Variants in ZFPM2 observed in about 807,000 individuals in gnomAD.
ZFPM2 encodes zinc finger protein ZFPM2.
In ZFPM2, 20 loss-of-function variants were observed where a neutral mutation model predicts 98.6. The observed-to-expected ratio is 0.20, with a 90% CI of 0.14 to 0.29. The LOEUF (loss-of-function observed/expected upper bound fraction) is 0.29, where lower values mean the gene tolerates loss of function less well. Ranked by LOEUF, ZFPM2 falls within the 10% of genes least tolerant of loss-of-function variation. The probability of loss-of-function intolerance (pLI) is 1.00; values close to 1 mark genes in which losing one functional copy is unlikely to be tolerated. For missense variants in ZFPM2, 1,310 were observed against 1,388.6 expected, an observed-to-expected ratio of 0.94 and a Z score of 0.90; for synonymous variants, 518 against 502.7, an observed-to-expected ratio of 1.03 and a Z score of -0.41.
At chr8:105,437,150 C>A (rs558493380) in intron 2 of ZFPM2, among the ~76,000 whole-genome samples, 28 of 152,114 alleles carry the variant, frequency 1.8e-4, no homozygotes, top group African/African-American at 6.3e-4. Flanking sequence ...ATATATATTG[C>A]ATACCCCTTA....
chr8:105,503,278 G>A (rs1402928851), intron 3 of ZFPM2, among the ~76,000 whole-genome samples: 3 of 152,126 alleles, frequency 2.0e-5, no homozygotes, highest in Non-Finnish European at 2.9e-5. Context: ...GGGTAGAAGA[G>A]GGCTTTTATA....
chr8:105,667,151 G>C (rs1488970065), intron 5 of ZFPM2, among the ~76,000 whole-genome samples: 1 of 152,200 alleles, frequency 6.6e-6, no homozygotes, highest in Non-Finnish European at 1.5e-5. Context: ...TCGCTTCAAG[G>C]AAAACAATTG....
chr8:105,693,347 C>T (rs764243085), intron 5 of ZFPM2, among the ~76,000 whole-genome samples: 6 of 152,100 alleles, frequency 3.9e-5, no homozygotes, highest in Admixed American at 6.5e-5. Context: ...CGCAGCTTGT[C>T]GGCAACTCGC....
chr8:105,372,742 G>A (rs1390238368), intron 1 of ZFPM2, among the ~76,000 whole-genome samples: 1 of 152,034 alleles, frequency 6.6e-6, no homozygotes, highest in East Asian at 1.9e-4. Context: ...GAATATGTTT[G>A]AGTTATTTAA....
At chr8:105,570,659 A>G (rs1409720521) in intron 4 of ZFPM2, among the ~76,000 whole-genome samples, 1 of 152,208 alleles carries the variant, frequency 6.6e-6, no homozygotes, top group East Asian at 1.9e-4. Flanking sequence ...GTGTATAGCT[A>G]GCCTGTTAAC....
chr8:105,518,578 T>TA (rs1028816993), intron 3 of ZFPM2, among the ~76,000 whole-genome samples: 8 of 152,232 alleles, frequency 5.3e-5, no homozygotes, highest in Non-Finnish European at 1.2e-4. Flanking sequence ...TTTGTGTTAT[T>TA]ACAGCCACAT....
intron 3 of ZFPM2, among the ~76,000 whole-genome samples, chr8:105,490,735 G>C (rs1486923596): frequency 1.3e-5 from 2 of 152,096 alleles, no homozygotes; most frequent in Admixed American, 1.3e-4. Flanking sequence ...ATAGAGCCAG[G>C]CCCATGGACA....
intron 5 of ZFPM2, among the ~76,000 whole-genome samples, chr8:105,735,340 A>C (rs1812043141): frequency 6.6e-6 from 1 of 151,556 alleles, no homozygotes; most frequent in South Asian, 2.1e-4. Flanking sequence ...GTTCAAAAAA[A>C]TTGTGGATAC....
chr8:105,435,491 A>G (rs912844399), intron 2 of ZFPM2, among the ~76,000 whole-genome samples: 3 of 152,154 alleles, frequency 2.0e-5, no homozygotes, highest in African/African-American at 7.2e-5. Flanking sequence ...CTCTTTCTGT[A>G]ATTCTCTTCT....
intron 1 of ZFPM2, among the ~76,000 whole-genome samples, chr8:105,347,225 A>T (rs757242315): frequency 1.6e-4 from 24 of 151,656 alleles, no homozygotes; most frequent in Non-Finnish European, 1.8e-4. Context: ...TCTAAGCGTG[A>T]TTATTCTTTT....
chr8:105,550,435 T>C (rs1006421606), intron 3 of ZFPM2, among the ~76,000 whole-genome samples: 22 of 152,204 alleles, frequency 1.4e-4, no homozygotes, highest in Non-Finnish European at 1.5e-4. Context: ...GGAGTCCTGG[T>C]ATCACTACTA....
intron 5 of ZFPM2, among the ~76,000 whole-genome samples, chr8:105,777,146 A>T (rs1305952363): frequency 6.6e-6 from 1 of 152,198 alleles, no homozygotes; most frequent in East Asian, 1.9e-4. Context: ...TGCAGTTTTT[A>T]TCGAACTCCA....
intron 5 of ZFPM2, among the ~76,000 whole-genome samples, chr8:105,733,346 T>G (rs1563541313): frequency 6.6e-6 from 1 of 151,868 alleles, no homozygotes; most frequent in Non-Finnish European, 1.5e-5. Flanking sequence ...CTAAGGGCTA[T>G]CCTTTAAAAA....
At chr8:105,635,409 A>G (rs1440513643) in intron 5 of ZFPM2, among the ~76,000 whole-genome samples, 2 of 151,924 alleles carry the variant, frequency 1.3e-5, no homozygotes, top group Non-Finnish European at 2.9e-5. Flanking sequence ...TCTCTTAACT[A>G]CCATAAGCCT....
chr8:105,794,439 G>T (rs1813727185), intron 6 of ZFPM2, among the ~76,000 whole-genome samples: 1 of 152,206 alleles, frequency 6.6e-6, no homozygotes, highest in African/African-American at 2.4e-5. Context: ...TCCTCTGGAA[G>T]TTTTGTCTCA....
intron 1 of ZFPM2, among the ~76,000 whole-genome samples, chr8:105,381,317 A>T (rs1459634241): frequency 6.6e-6 from 1 of 151,882 alleles, no homozygotes; most frequent in East Asian, 1.9e-4. Context: ...CATGGTGTAT[A>T]TGTGCCACAT....
chr8:105,610,456 A>G (rs1455997205), intron 4 of ZFPM2, among the ~76,000 whole-genome samples: 1 of 152,190 alleles, frequency 6.6e-6, no homozygotes, highest in African/African-American at 2.4e-5. Flanking sequence ...CTTTACCTTT[A>G]ACTTTTACTG....
intron 1 of ZFPM2, among the ~76,000 whole-genome samples, chr8:105,402,075 C>A (rs1356568842): frequency 6.6e-6 from 1 of 151,914 alleles, no homozygotes; most frequent in Non-Finnish European, 1.5e-5. Flanking sequence ...TATAGTATTG[C>A]TGTTGGTATA....
intron 1 of ZFPM2, among the ~76,000 whole-genome samples, chr8:105,415,733 C>T (rs1811668281): frequency 6.6e-6 from 1 of 152,096 alleles, no homozygotes; most frequent in South Asian, 2.1e-4. Context: ...GAGATCTGAT[C>T]TTAAACCATA....
Sources: allele counts gnomAD v4.1 joint callset (sites outside exome capture counted in the v4.1 genomes callset), GRCh38; gene constraint gnomAD v4.1.1; transcripts MANE v1.5; gene names NCBI Gene and HGNC (gene_info 2026-07-23, HGNC 2026-07-21).